The following GSE1 variants were observed in gnomAD, a reference collection of about 807,000 sequenced individuals.
The protein encoded by GSE1 is genetic suppressor element 1.
Under a neutral mutation model 112.6 loss-of-function variants are expected in GSE1, and 32 were observed. That is an observed-to-expected ratio of 0.28 (90% CI 0.21 to 0.38). The LOEUF is 0.38. GSE1 is among the 10% of genes least tolerant of loss of function. The pLI is 1.00. For synonymous variants in GSE1, 1,115 were observed against 735.6 expected (o/e 1.52, Z -8.35); for missense variants, 2,348 against 1,699.2 (o/e 1.38, Z -6.71).
chr16:85,622,418 T>C (rs2048798027), intron 1 of GSE1, among the ~76,000 whole-genome samples: 1 of 152,122 alleles, frequency 6.6e-6, no homozygotes. Context: ...AGGCAGGTCA[T>C]ATTGGGGAGG....
intron 1 of GSE1, among the ~76,000 whole-genome samples, chr16:85,616,639 G>A (rs1365951513): frequency 6.6e-6 from 1 of 152,094 alleles, no homozygotes; most frequent in African/African-American, 2.4e-5. Context: ...CCATGTTGCA[G>A]GTGACATTTC....
At chr16:85,511,005 C>T (rs545563873) in intron 2 of GSE1, among the ~76,000 whole-genome samples, 3 of 152,244 alleles carry the variant, frequency 2.0e-5, no homozygotes, top group African/African-American at 7.2e-5. Context: ...ATGCGTTGCT[C>T]TTTAATAGCA....
At chr16:85,583,509 C>G (rs899437357) in intron 1 of GSE1, 1 of 151,948 alleles carries the variant, frequency 6.6e-6, no homozygotes, top group South Asian at 2.1e-4. Flanking sequence ...CCCCCCACCC[C>G]CATTCCAACA....
chr16:85,382,582 C>T (rs151314259), intron 2 of GSE1, among the ~76,000 whole-genome samples: 98 of 152,262 alleles, frequency 6.4e-4, no homozygotes, highest in African/African-American at 2.2e-3. Context: ...TGCCCGGGCT[C>T]GGAGCCCACA....
chr16:85,513,502 C>G (rs765446123), intron 2 of GSE1, among the ~76,000 whole-genome samples: 1 of 152,160 alleles, frequency 6.6e-6, no homozygotes, highest in Non-Finnish European at 1.5e-5. Flanking sequence ...ACCGCTCACG[C>G]ACCCAACGTC....
At chr16:85,480,147 G>A (rs2050625818) in intron 2 of GSE1, among the ~76,000 whole-genome samples, 1 of 152,242 alleles carries the variant, frequency 6.6e-6, no homozygotes, top group South Asian at 2.1e-4. Context: ...GGCACGGAGA[G>A]GTGAAGTAAG....
At chr16:85,317,727 C>T (rs1042144282) in intron 1 of GSE1, among the ~76,000 whole-genome samples, 8 of 152,294 alleles carry the variant, frequency 5.3e-5, no homozygotes, top group African/African-American at 1.9e-4. Flanking sequence ...CATTCATGCA[C>T]CCTGCGCTGG....
At chr16:85,571,581 C>T (rs541224928) in intron 1 of GSE1, among the ~76,000 whole-genome samples, 19 of 152,328 alleles carry the variant, frequency 1.2e-4, no homozygotes, top group South Asian at 6.2e-4. Context: ...CGGGTCTTCT[C>T]GGGGAGGCTC....
chr16:85,453,519 G>A lies in GSE1; in HGVS notation c.2464+95876G>A, dbSNP rs142701656. 6.6e-3 allele frequency among the ~76,000 whole-genome samples: 1,010 copies of A among 152,178 alleles called. 12 individuals carry two copies. Among genetic ancestry groups the A allele is most frequent in the African/African-American group, 0.023 (957 of 41,498 alleles). On this transcript the variant is annotated intron_variant, in intron 2 of 2. Coordinates refer to the GSE1 transcript ENST00000637419. The stretch of plus-strand genomic sequence containing the variant: ...GCACCTCTTTCATCAGGAGGAGGTC[G>A]GTGGGTGGAAGTAGCAGGTCCCTCA...
chr16:85,661,325 G>A lies in GSE1; in HGVS notation c.1820G>A (p.Ser607Asn). Reference sequence around the variant, plus strand: ...CGGGCCGAAAGCCACTCTCTGCACAGCCACCCGGCTGCATTTGAGCCCAGC... The same window carrying A: ...CGGGCCGAAAGCCACTCTCTGCACAACCACCCGGCTGCATTTGAGCCCAGC... ...TRRAESHSLH[S>N]HPAAFEPSRQ... The change falls in exon 9 of 16, where the codon AGC (serine) becomes AAC (asparagine). Residue 607 changes from serine (S) to asparagine (N), a missense_variant. By Grantham distance (46) the Ser-to-Asn change is conservative. Coordinates refer to ENST00000253458, the MANE Select transcript of GSE1 (RefSeq NM_014615.5). 1 of 1,612,538 alleles carries A rather than the reference G, an allele frequency of 6.2e-7. No individual in the cohort carries two copies. The highest frequency in any genetic ancestry group is 8.5e-7 in the Non-Finnish European group (1 of 1,179,816).
At chr16:85,479,636 A>T (rs2050610501) in intron 2 of GSE1, among the ~76,000 whole-genome samples, 1 of 152,120 alleles carries the variant, frequency 6.6e-6, no homozygotes. Flanking sequence ...TTATGTTTTC[A>T]ATTCGCTGAG....
chr16:85,557,623 A>G (rs2045302031), intron 1 of GSE1, among the ~76,000 whole-genome samples: 1 of 148,292 alleles, frequency 6.7e-6, no homozygotes, highest in African/African-American at 2.5e-5. Context: ...AGGCTTCCAC[A>G]CCTCTCTGGA....
chr16:85,374,292 G>C (rs944382837), intron 2 of GSE1, among the ~76,000 whole-genome samples: 5 of 151,852 alleles, frequency 3.3e-5, no homozygotes. Flanking sequence ...GTATGTGCGT[G>C]GTTGTGTGTG....
intron 2 of GSE1, among the ~76,000 whole-genome samples, chr16:85,429,054 C>G (rs1312949631): frequency 6.6e-6 from 1 of 152,218 alleles, no homozygotes; most frequent in Non-Finnish European, 1.5e-5. Flanking sequence ...CATGGGGCGC[C>G]TACAGCTCCG....
intron 1 of GSE1, among the ~76,000 whole-genome samples, chr16:85,617,953 T>G (rs2048483339): frequency 6.6e-6 from 1 of 152,104 alleles, no homozygotes; most frequent in Non-Finnish European, 1.5e-5. Context: ...ACCTGGCTGC[T>G]CTCTGGATGT....
At chr16:85,506,911 G>A (rs1225838259) in intron 2 of GSE1, among the ~76,000 whole-genome samples, 6 of 152,146 alleles carry the variant, frequency 3.9e-5, no homozygotes, top group African/African-American at 1.4e-4. Context: ...TTGAGCCAGG[G>A]AGGCCCCGAC....
At chr16:85,520,621 C>A (rs2052151505) in intron 2 of GSE1, among the ~76,000 whole-genome samples, 1 of 151,892 alleles carries the variant, frequency 6.6e-6, no homozygotes, top group Non-Finnish European at 1.5e-5. Context: ...TGGGGTTTCA[C>A]CATGTTGGCC....
chr16:85,648,863 C>G (rs924305771), intron 3 of GSE1, 112 bp downstream of exon 3: 3 of 580,086 alleles, frequency 5.2e-6, no homozygotes, highest in South Asian at 5.0e-5. Flanking sequence ...CAGACACCCC[C>G]TCCCCCACCC....
upstream of GSE1, among the ~76,000 whole-genome samples, chr16:85,551,299 C>A (rs2044902659): frequency 6.6e-6 from 1 of 152,232 alleles, no homozygotes; most frequent in African/African-American, 2.4e-5. Context: ...ACGAAGAGCG[C>A]TGCCCTTCTC....
Sources: allele counts gnomAD v4.1 joint callset (sites outside exome capture counted in the v4.1 genomes callset), GRCh38; gene constraint gnomAD v4.1.1; transcripts MANE v1.5; gene names NCBI Gene and HGNC (gene_info 2026-07-23, HGNC 2026-07-21).